Variants in PCDH15 observed in about 807,000 individuals in gnomAD.
PCDH15 encodes protocadherin-15.
PCDH15 carries 129 observed loss-of-function variants against 178.5 expected under a neutral mutation model. That is an observed-to-expected ratio of 0.72 (90% CI 0.63 to 0.84). The LOEUF is 0.84. PCDH15 is among the 40% of genes least tolerant of loss of function. The probability of loss-of-function intolerance (pLI) is 0.00; values close to 1 mark genes in which losing one functional copy is unlikely to be tolerated. For synonymous variants in PCDH15, 800 were observed against 732.0 expected (o/e 1.09, Z -1.50); for missense variants, 2,230 against 2,099.9 (o/e 1.06, Z -1.21).
At chr10:54,500,555 C>T (rs1393083682) in intron 3 of PCDH15, among the ~76,000 whole-genome samples, 1 of 152,056 alleles carries the variant, frequency 6.6e-6, no homozygotes, top group Non-Finnish European at 1.5e-5. Flanking sequence ...CATAGTCAGG[C>T]CCGGTGGTTC....
intron 25 of PCDH15, among the ~76,000 whole-genome samples, chr10:53,927,148 A>G (rs925864028): frequency 1.3e-5 from 1 of 78,834 alleles, no homozygotes; most frequent in Non-Finnish European, 2.4e-5. Flanking sequence ...ATGTAAATGC[A>G]AGTGTGTGTG....
At chr10:55,000,946 G>A (rs530490322) in intron 2 of PCDH15, among the ~76,000 whole-genome samples, 44 of 152,208 alleles carry the variant, frequency 2.9e-4, no homozygotes, top group African/African-American at 1.1e-3. Context: ...GGTCACCCAT[G>A]GACAAATTAG....
chr10:53,890,009 G>A (rs761782809), intron 26 of PCDH15, among the ~76,000 whole-genome samples: 3 of 152,174 alleles, frequency 2.0e-5, no homozygotes, highest in Non-Finnish European at 4.4e-5. Context: ...TCTTGACCTG[G>A]GCACTGGTTA....
chr10:54,308,984 C>T (rs2060724393), intron 8 of PCDH15, among the ~76,000 whole-genome samples: 3 of 151,982 alleles, frequency 2.0e-5, no homozygotes, highest in Non-Finnish European at 2.9e-5. Flanking sequence ...TTTTGACAAA[C>T]GATCTTCGCA....
At chr10:54,912,793 A>G (rs1040510379) in intron 2 of PCDH15, among the ~76,000 whole-genome samples, 1 of 152,152 alleles carries the variant, frequency 6.6e-6, no homozygotes, top group Non-Finnish European at 1.5e-5. Context: ...CTTCCTAGAG[A>G]ATTGTTAAAT....
chr10:55,426,225 T>A (rs1005928595), intron 2 of PCDH15, among the ~76,000 whole-genome samples: 1 of 152,134 alleles, frequency 6.6e-6, no homozygotes, highest in Non-Finnish European at 1.5e-5. Flanking sequence ...CCTGACCTCT[T>A]GGTGGGACTC....
chr10:55,364,617 G>T (rs1184067983), intron 2 of PCDH15, among the ~76,000 whole-genome samples: 3 of 151,882 alleles, frequency 2.0e-5, no homozygotes, highest in African/African-American at 7.3e-5. Context: ...TGTGTCTTTT[G>T]CCTAATTAGA....
At chr10:55,311,648 G>A (rs1445012808) in intron 1 of PCDH15, among the ~76,000 whole-genome samples, 3 of 152,174 alleles carry the variant, frequency 2.0e-5, no homozygotes, top group East Asian at 1.9e-4. Flanking sequence ...GATTTTTGAA[G>A]ATCAGGTAGT....
At chr10:54,577,467 T>C (rs1251265124) in intron 2 of PCDH15, among the ~76,000 whole-genome samples, 1 of 151,916 alleles carries the variant, frequency 6.6e-6, no homozygotes, top group Non-Finnish European at 1.5e-5. Context: ...AAATGCAAGT[T>C]AAAAATGTAG....
intron 3 of PCDH15, among the ~76,000 whole-genome samples, chr10:54,454,234 C>CAA (rs2076669484): frequency 6.7e-6 from 1 of 148,860 alleles, no homozygotes; most frequent in Admixed American, 6.7e-5. Flanking sequence ...CTCAATAAGG[C>CAA]AAATACACAA....
chr10:54,749,419 T>C (rs1336458328), intron 1 of PCDH15, among the ~76,000 whole-genome samples: 2 of 152,170 alleles, frequency 1.3e-5, no homozygotes, highest in South Asian at 2.1e-4. Context: ...GAATCCAAAA[T>C]TCTAGCAATT....
At chr10:54,450,776 A>G (rs1028974592) in intron 3 of PCDH15, among the ~76,000 whole-genome samples, 1 of 151,878 alleles carries the variant, frequency 6.6e-6, no homozygotes, top group Non-Finnish European at 1.5e-5. Context: ...AAACAAACAG[A>G]TTACCCACAT....
chr10:53,896,803 A>G (rs2081983819), intron 26 of PCDH15, among the ~76,000 whole-genome samples: 1 of 152,158 alleles, frequency 6.6e-6, no homozygotes, highest in South Asian at 2.1e-4. Context: ...CAGGTTGCAC[A>G]AACCTTATGA....
intron 23 of PCDH15, among the ~76,000 whole-genome samples, chr10:53,955,247 TAG>T (rs1427010535): frequency 6.6e-6 from 1 of 152,146 alleles, no homozygotes; most frequent in East Asian, 1.9e-4. Context: ...TATTTTGAAA[TAG>T]AGTGTTGAAG....
intron 1 of PCDH15, among the ~76,000 whole-genome samples, chr10:55,290,341 G>A (rs2132267415): frequency 6.6e-6 from 1 of 152,088 alleles, no homozygotes; most frequent in South Asian, 2.1e-4. Flanking sequence ...GTATTGGGGA[G>A]GGATAATGTT....
intron 1 of PCDH15, among the ~76,000 whole-genome samples, chr10:54,680,265 C>A (rs577606953): frequency 6.6e-6 from 1 of 151,860 alleles, no homozygotes; most frequent in South Asian, 2.1e-4. Flanking sequence ...GGACAGTGTT[C>A]GAGGTTACTT....
chr10:54,974,460 C>T (rs577502858), intron 2 of PCDH15, among the ~76,000 whole-genome samples: 2 of 151,444 alleles, frequency 1.3e-5, no homozygotes, highest in East Asian at 1.9e-4. Flanking sequence ...GCAAATAATT[C>T]ATGTAATATA....
chr10:54,429,564 G>T (rs1374709487), intron 3 of PCDH15, among the ~76,000 whole-genome samples: 1 of 151,786 alleles, frequency 6.6e-6, no homozygotes, highest in Non-Finnish European at 1.5e-5. Context: ...TAAAAAAAAA[G>T]ACAAATTATC....
At chr10:54,320,179 A>G in intron 7 of PCDH15, among the ~76,000 whole-genome samples, 1 of 152,112 alleles carries the variant, frequency 6.6e-6, no homozygotes, top group East Asian at 1.9e-4. Context: ...AAAAGCAGAT[A>G]CTTATGAGAG....
Sources: gnomAD v4.1 joint callset for allele counts (sites outside exome capture counted in the v4.1 genomes callset) on GRCh38, gnomAD v4.1.1 for gene constraint, MANE v1.5 for transcripts, NCBI Gene and HGNC (gene_info 2026-07-23, HGNC 2026-07-21) for gene names.